XIRP2: variants seen among roughly 807,000 people sequenced by gnomAD.
The protein encoded by XIRP2 is xin actin-binding repeat-containing protein 2.
A neutral mutation model predicts 277.0 loss-of-function variants in XIRP2; 236 were observed. The observed-to-expected ratio is 0.85, with a 90% confidence interval of 0.77 to 0.95. XIRP2 has a LOEUF of 0.95. Ranked by LOEUF, XIRP2 falls within the 40% of genes least tolerant of loss-of-function variation. XIRP2 has a pLI of 0.00. For synonymous variants in XIRP2, 1,490 were observed against 1,416.5 expected, an observed-to-expected ratio of 1.05 and a Z score of -1.17; for missense variants, 4,640 against 4,157.5, an observed-to-expected ratio of 1.12 and a Z score of -3.19.
chr2:167,079,922 G>GT (rs563606017), intron 2 of XIRP2, among the ~76,000 whole-genome samples: 3 of 150,934 alleles, frequency 2.0e-5, no homozygotes, highest in African/African-American at 2.4e-5. Flanking sequence ...TTTGTTTTTT[G>GT]TTTTTTTGGG....
chr2:166,941,041 A>G (rs998176843), intron 2 of XIRP2, among the ~76,000 whole-genome samples: 1 of 152,092 alleles, frequency 6.6e-6, no homozygotes, highest in Non-Finnish European at 1.5e-5. Flanking sequence ...TTGCCCCGAG[A>G]GGTGGAGTCT....
rs770267729 is a variant in XIRP2 at position 167,245,314 on chromosome 2, G to A, written c.3922G>A (p.Asp1308Asn). ...KTITEEVIQGDVKSYRMLFET... is the reference protein window; with the variant it reads ...KTITEEVIQGNVKSYRMLFET... Reference sequence around the variant, plus strand: ...AATTACTGAAGAAGTAATACAGGGTGATGTAAAAAGCTACAGAATGCTCTT... The same window carrying A: ...AATTACTGAAGAAGTAATACAGGGTAATGTAAAAAGCTACAGAATGCTCTT... Residue 1308 changes from aspartate to asparagine, a missense_variant, in exon 9 of 11, where the codon GAT becomes AAT. Transcript: ENST00000409195. The A allele has an allele frequency of 1.9e-6, 3 of 1,613,500 alleles. No individual in the cohort carries two copies. The Admixed American group carries it at 5.0e-5, about 27-fold the overall frequency.
chr2:166,944,976 T>C (rs925525411), intron 2 of XIRP2, among the ~76,000 whole-genome samples: 3 of 152,130 alleles, frequency 2.0e-5, no homozygotes, highest in African/African-American at 4.8e-5. Flanking sequence ...AACCAAAATA[T>C]TGACAGCAGG....
intron 3 of XIRP2, among the ~76,000 whole-genome samples, chr2:167,152,265 G>A (rs1463330765): frequency 6.6e-6 from 1 of 152,034 alleles, no homozygotes; most frequent in African/African-American, 2.4e-5. Context: ...CATACCAAAA[G>A]AAGAACAGCA....
intron 2 of XIRP2, among the ~76,000 whole-genome samples, chr2:167,009,529 G>A (rs1687605975): frequency 6.6e-6 from 1 of 152,022 alleles, no homozygotes; most frequent in Admixed American, 6.6e-5. Flanking sequence ...AAACATGCGT[G>A]TGCATGTGTC....
intron 2 of XIRP2, among the ~76,000 whole-genome samples, chr2:167,020,728 TA>T (rs1687960290): frequency 6.6e-6 from 1 of 152,046 alleles, no homozygotes; most frequent in African/African-American, 2.4e-5. Flanking sequence ...TATCTCTTTC[TA>T]AATGTCTTAA....
At chr2:166,943,837 G>C (rs551649042) in intron 2 of XIRP2, among the ~76,000 whole-genome samples, 4 of 152,260 alleles carry the variant, frequency 2.6e-5, no homozygotes, top group Admixed American at 1.3e-4. Flanking sequence ...TTTTAGCCTA[G>C]GCTTTTTTGT....
chr2:167,210,892 T>C lies in XIRP2; in HGVS notation c.720T>C (p.Ala240=), dbSNP rs1489304821. 4.3e-6 allele frequency: 7 copies of C among 1,613,976 alleles called. No individual in the cohort carries two copies. Among genetic ancestry groups the C allele is most frequent in the Non-Finnish European group, 5.9e-6 (7 of 1,179,922 alleles). Reference sequence around the variant, plus strand: ...GGGGTGACTGCCGCAGCTTCTCTGCTAATGTAAGCTGCTCCTAATGGTTTT... The same window carrying C: ...GGGGTGACTGCCGCAGCTTCTCTGCCAATGTAAGCTGCTCCTAATGGTTTT... The part of the protein sequence containing the change: ...VSRGDCRSFS[A]NMMEESEMCA... Residue 240 remains alanine (A), a synonymous_variant, in exon 4 of 11, where the codon GCT becomes GCC. Coordinates refer to ENST00000409195, the MANE Select transcript of XIRP2 (RefSeq NM_152381.6).
chr2:166,923,539 C>T (rs1685108285), intron 2 of XIRP2, among the ~76,000 whole-genome samples: 1 of 151,948 alleles, frequency 6.6e-6, no homozygotes. Flanking sequence ...ATCCAGTTTC[C>T]ATAAAGATAT....
intron 3 of XIRP2, among the ~76,000 whole-genome samples, chr2:167,189,568 C>A (rs567483981): frequency 6.6e-6 from 1 of 152,296 alleles, no homozygotes; most frequent in South Asian, 2.1e-4. Flanking sequence ...CAAACACTTG[C>A]TCATTCACAT....
rs966604238 is a variant in XIRP2 at position 167,250,984 on chromosome 2, C to T, written c.9592C>T (p.Pro3198Ser). 11 of 1,613,488 alleles carry T rather than the reference C, an allele frequency of 6.8e-6. No homozygotes were observed. The highest frequency in any genetic ancestry group is 8.5e-6 in the Non-Finnish European group (10 of 1,179,734). The change falls in exon 9 of 11, where the codon CCA becomes TCA. Residue 3198 changes from proline (P) to serine (S), a missense_variant. Physicochemically the swap from Pro to Ser is moderately conservative, Grantham distance 74 (BLOSUM62 -1). Transcript: ENST00000409195. ...TTAKLSKGAI[P>S]CPAATPVPIV... ...TGCAAAGTTATCCAAAGGGGCCATC[C>T]CATGTCCAGCAGCAACCCCGGTTCC...
chr2:166,926,796 C>A (rs941349322), intron 2 of XIRP2, among the ~76,000 whole-genome samples: 2 of 152,098 alleles, frequency 1.3e-5, no homozygotes, highest in Non-Finnish European at 2.9e-5. Context: ...CAGCCCCGAA[C>A]AATGTTTTTC....
intron 2 of XIRP2, chr2:167,124,295 C>T (rs1227340249): frequency 6.6e-6 from 1 of 152,078 alleles, no homozygotes; most frequent in African/African-American, 2.4e-5. Context: ...TCTAAACAAA[C>T]ATTTTTAAAG....
chr2:167,157,615 T>C (rs550288153), intron 3 of XIRP2, among the ~76,000 whole-genome samples: 3 of 152,232 alleles, frequency 2.0e-5, no homozygotes, highest in South Asian at 2.1e-4. Context: ...AAATAAGTGC[T>C]TTTTCATTAC....
chr2:166,929,119 C>T (rs1364207934), intron 2 of XIRP2, among the ~76,000 whole-genome samples: 2 of 151,944 alleles, frequency 1.3e-5, no homozygotes, highest in Non-Finnish European at 2.9e-5. Context: ...TTTGGGGCTT[C>T]CACCAAGACC....
chr2:167,246,362 G>T lies in XIRP2; in HGVS notation c.4970G>T (p.Gly1657Val), dbSNP rs369334654. The part of the protein sequence containing the change: ...FHAEKEEIVK[G>V]DVQQAIKNLF... ...GCTGAAAAAGAAGAGATAGTGAAAG[G>T]TGATGTACAACAAGCAATAAAAAAC... is the stretch of plus-strand genomic sequence containing the variant. Residue 1657 changes from glycine (G) to valine (V), a missense_variant, in exon 9 of 11, where the codon GGT (glycine) becomes GTT (valine). Coordinates refer to ENST00000409195, the MANE Select transcript of XIRP2 (RefSeq NM_152381.6). 4 of 1,613,244 alleles carry T rather than the reference G, an allele frequency of 2.5e-6. No individual in the cohort carries two copies. Among genetic ancestry groups the T allele is most frequent in the African/African-American group, 1.3e-5 (1 of 74,960 alleles).
At chr2:167,135,782 A>T in intron 2 of XIRP2, 127 bp from the exon 3 acceptor site, 5 of 856,814 alleles carry the variant, frequency 5.8e-6, no homozygotes, top group Non-Finnish European at 8.5e-6. Flanking sequence ...TACCTGAAGC[A>T]TATTGAAAAC....
At position 167,251,206 on chromosome 2, in the gene XIRP2, G is replaced by A; in HGVS notation, c.9814G>A (p.Val3272Ile). 1 of 1,613,542 alleles carries A rather than the reference G, an allele frequency of 6.2e-7. No individual in the cohort carries two copies. The highest frequency in any genetic ancestry group is 8.5e-7 in the Non-Finnish European group (1 of 1,179,694). ...IRKVEKRATY[V>I]HKDGLNSTDH... ...GAAAGTGGAGAAGAGAGCTACTTAT[G>A]TTCATAAAGATGGACTAAATTCCAC... is the stretch of plus-strand genomic sequence containing the variant. Residue 3272 changes from valine (V) to isoleucine (I), a missense_variant, in exon 9 of 11, where the codon GTT (valine) becomes ATT (isoleucine). By Grantham distance (29) the Val-to-Ile change is conservative. Transcript: ENST00000409195.
intron 3 of XIRP2, among the ~76,000 whole-genome samples, chr2:167,175,148 G>A (rs1692802017): frequency 6.6e-6 from 1 of 152,080 alleles, no homozygotes. Flanking sequence ...TTAACTTTCT[G>A]TCTCGTTGAT....
Sources: allele counts gnomAD v4.1 joint callset (sites outside exome capture counted in the v4.1 genomes callset), GRCh38; gene constraint gnomAD v4.1.1; transcripts MANE v1.5; gene names NCBI Gene and HGNC (gene_info 2026-07-23, HGNC 2026-07-21).